CAPN9: variants seen among roughly 807,000 people sequenced by gnomAD.
CAPN9 encodes the protein calpain 9.
In CAPN9, 81 loss-of-function variants were observed where a neutral mutation model predicts 92.8. The ratio of observed to expected loss-of-function variants is 0.87; its 90% CI spans 0.73 to 1.05. The LOEUF is 1.05. Ranked by LOEUF, CAPN9 falls within the 50% of genes least tolerant of loss-of-function variation. CAPN9 has a pLI of 0.00. For missense variants in CAPN9, 848 were observed against 866.2 expected (o/e 0.98, Z 0.26); for synonymous variants, 304 against 328.0 (o/e 0.93, Z 0.79).
At chr1:230,757,040 G>GGAAGGAAGGAAGGAAGGAAGGAAT in intron 2 of CAPN9, among the ~76,000 whole-genome samples, 1 of 126,020 alleles carries the variant, frequency 7.9e-6, no homozygotes, top group African/African-American at 2.9e-5. Context: ...AAGGAAGGAA[G>GGAAGGAAGGAAGGAAGGAAGGAAT]GAAGGAAGGA....
At chr1:230,770,007 G>A (rs749843969) in intron 6 of CAPN9, among the ~76,000 whole-genome samples, 20 of 152,124 alleles carry the variant, frequency 1.3e-4, no homozygotes, top group Non-Finnish European at 2.6e-4. Flanking sequence ...GTCAATGGTA[G>A]GCTATTCGGA....
chr1:230,758,014 G>C (rs1473890846), intron 2 of CAPN9, among the ~76,000 whole-genome samples: 2 of 152,098 alleles, frequency 1.3e-5, no homozygotes, highest in East Asian at 3.9e-4. Flanking sequence ...ACCCACAGAG[G>C]GCACTTCTTC....
intron 13 of CAPN9, 137 bp downstream of exon 13, chr1:230,787,739 A>G: frequency 1.4e-6 from 1 of 704,520 alleles, no homozygotes; most frequent in Non-Finnish European, 2.5e-6. Flanking sequence ...TAAGACCAGC[A>G]CTGATCATTC....
At chr1:230,776,945 C>T (rs1402945426) in intron 8 of CAPN9, 1 of 152,200 alleles carries the variant, frequency 6.6e-6, no homozygotes, top group East Asian at 1.9e-4. Flanking sequence ...GGTTTAGGTT[C>T]CCCAGATTTG....
intron 7 of CAPN9, 134 bp from the exon 8 acceptor site, chr1:230,774,420 A>T (rs1201115530): frequency 1.5e-6 from 1 of 665,212 alleles, no homozygotes; most frequent in African/African-American, 1.8e-5. Context: ...CCCTGGGTGC[A>T]TTTTTGGGAC....
intron 1 of CAPN9, among the ~76,000 whole-genome samples, chr1:230,754,135 G>A (rs1665056439): frequency 1.3e-5 from 2 of 151,966 alleles, no homozygotes; most frequent in Admixed American, 1.3e-4. Context: ...GCAGGAGGCT[G>A]GGAAGGGGCG....
intron 4 of CAPN9, among the ~76,000 whole-genome samples, chr1:230,766,163 AT>A (rs566036105): frequency 5.7e-4 from 87 of 152,150 alleles, no homozygotes; most frequent in African/African-American, 2.0e-3. Context: ...TGGCACCGTA[AT>A]AGCTCACTGC....
intron 14 of CAPN9, 72 bp from the exon 15 acceptor site, chr1:230,791,792 G>A: frequency 8.5e-7 from 1 of 1,172,686 alleles, no homozygotes; most frequent in East Asian, 2.3e-5. Context: ...CACATTATTG[G>A]GCTTTCAGCA....
intron 4 of CAPN9, among the ~76,000 whole-genome samples, chr1:230,765,928 T>G (rs1196400589): frequency 6.6e-6 from 1 of 152,108 alleles, no homozygotes; most frequent in South Asian, 2.1e-4. Context: ...GGAGCAACTT[T>G]CCAGTGGAGA....
intron 3 of CAPN9, among the ~76,000 whole-genome samples, chr1:230,761,082 C>A (rs1267771234): frequency 1.3e-5 from 2 of 152,160 alleles, no homozygotes; most frequent in Non-Finnish European, 2.9e-5. Flanking sequence ...CCAAGCCAGA[C>A]CTAGAACTCA....
chr1:230,752,177 C>T (rs1664888397), intron 1 of CAPN9, among the ~76,000 whole-genome samples: 1 of 152,150 alleles, frequency 6.6e-6, no homozygotes, highest in East Asian at 1.9e-4. Context: ...CACAACAAGG[C>T]AAGTCACAGG....
chr1:230,796,329 T>TATAAATAAATAA (rs67443675), intron 18 of CAPN9, among the ~76,000 whole-genome samples: 5 of 142,234 alleles, frequency 3.5e-5, no homozygotes, highest in Admixed American at 1.4e-4. Flanking sequence ...ATCTCAAAAA[T>TATAAATAAATAA]ATAAATAAAT....
chr1:230,769,386 C>A, intron 6 of CAPN9, 123 bp downstream of exon 6: 1 of 692,572 alleles, frequency 1.4e-6, no homozygotes, highest in South Asian at 2.3e-5. Flanking sequence ...GAGATTATGT[C>A]ACCTAAAGAG....
chr1:230,791,746 AG>A lies in CAPN9; in HGVS notation c.1658-117del. 4 of 700,070 alleles carry A rather than the reference AG, an allele frequency of 5.7e-6. No individual in the cohort carries two copies. The South Asian group carries it at 7.3e-5, about 13-fold the overall frequency. The allele number at this position is 700,070 out of a possible 1,614,324, so 43.4% of individuals were successfully genotyped here. Reference sequence around the variant, plus strand: ...ACTCCTACCAGCATCATAAGAGAGTAGCCACATCACAGCCCCCAACAGCCCT... The same window carrying A: ...ACTCCTACCAGCATCATAAGAGAGTACCACATCACAGCCCCCAACAGCCCT... On this transcript the variant is annotated intron_variant, in intron 14 of 19. Transcript: ENST00000271971.
intron 4 of CAPN9, among the ~76,000 whole-genome samples, chr1:230,767,095 G>T (rs1666032071): frequency 6.6e-6 from 1 of 152,124 alleles, no homozygotes; most frequent in Non-Finnish European, 1.5e-5. Context: ...AAGGGAAAGG[G>T]CCTCTCTCTA....
intron 13 of CAPN9, among the ~76,000 whole-genome samples, chr1:230,789,500 A>AAAAAAAAAAAAAAAG (rs200162449): frequency 1.4e-5 from 2 of 138,176 alleles, no homozygotes; most frequent in African/African-American, 5.5e-5. Context: ...AAAAAAAAAA[A>AAAAAAAAAAAAAAAG]GCCTGAGTCT....
rs1665495810 is a variant in CAPN9, at chr1:230,759,589, CA to C, written c.364del (p.Ser122AlafsTer24). 1 of 1,609,304 alleles carries C rather than the reference CA, an allele frequency of 6.2e-7. No individual in the cohort carries two copies. The highest frequency in any genetic ancestry group is 1.1e-5 in the South Asian group (1 of 89,768). On this transcript the variant is annotated frameshift_variant, in exon 3 of 20. Coordinates refer to ENST00000271971, the MANE Select transcript of CAPN9 (RefSeq NM_006615.3). LOFTEE classifies it high-confidence loss of function. The stretch of plus-strand genomic sequence containing the variant: ...ACTGGCCAGAGTCATCCCCCAGGAC[CA>C]AAGCTTTGGCCCTGGTTATGCCGGG... ...KALARVIPQDQSFGPGYAGIF... is the reference protein window; with the variant it reads ...KALARVIPQDXSFGPGYAGIF...
intron 2 of CAPN9, among the ~76,000 whole-genome samples, chr1:230,758,416 G>A (rs917437561): frequency 6.6e-6 from 1 of 152,162 alleles, no homozygotes; most frequent in East Asian, 1.9e-4. Flanking sequence ...CTTCCTAGTA[G>A]CATCTCCCAA....
chr1:230,789,358 A>G (rs1667820839), intron 13 of CAPN9, among the ~76,000 whole-genome samples: 1 of 151,720 alleles, frequency 6.6e-6, no homozygotes, highest in South Asian at 2.1e-4. Context: ...CTATAGTCCC[A>G]GCTACTTGGG....
Sources: gnomAD v4.1 joint callset for allele counts (sites outside exome capture counted in the v4.1 genomes callset) on GRCh38, gnomAD v4.1.1 for gene constraint, MANE v1.5 for transcripts, NCBI Gene and HGNC (gene_info 2026-07-23, HGNC 2026-07-21) for gene names.